ZFP91: variants seen among roughly 807,000 people sequenced by gnomAD.
ZFP91 encodes E3 ubiquitin-protein ligase ZFP91.
A neutral mutation model predicts 63.5 loss-of-function variants in ZFP91; 7 were observed. The ratio of observed to expected loss-of-function variants is 0.11; its 90% confidence interval spans 0.06 to 0.21. ZFP91 has a LOEUF of 0.21. ZFP91 is among the 10% of genes least tolerant of loss of function. ZFP91 has a pLI of 1.00. For synonymous variants in ZFP91, 330 were observed against 272.1 expected, an observed-to-expected ratio of 1.21 and a Z score of -2.10; for missense variants, 628 against 736.6, an observed-to-expected ratio of 0.85 and a Z score of 1.71.
chr11:58,592,576 A>G (rs970137204), intron 2 of ZFP91, among the ~76,000 whole-genome samples: 1 of 152,202 alleles, frequency 6.6e-6, no homozygotes, highest in Non-Finnish European at 1.5e-5. Context: ...TGCGCCAAGC[A>G]CAGAAGGATA....
In ZFP91 at chr11:58,614,218, C is replaced by G. The variant is rs1403742054; in HGVS notation, c.988-11C>G. On this transcript the variant is annotated splice_polypyrimidine_tract_variant and intron_variant, in intron 8 of 10. Transcript: ENST00000316059. ...TTTTTTTTTTCGCCCCTTTCACTTT[C>G]TCTGTTTTAGCACCACATTAAATAC... 5.3e-6 allele frequency: 8 copies of G among 1,511,646 alleles called. No homozygotes were observed. In the East Asian group the frequency reaches 1.9e-4, roughly 35 times the overall value. The allele number at this position is 1,511,646 out of a possible 1,614,324, so 93.6% of individuals were successfully genotyped here.
chr11:58,579,742 C>T lies in ZFP91; in HGVS notation c.341+120C>T, dbSNP rs1269862042. ...CCTGGTCTGCCCCCTGCCGGCTCCG[C>T]ACGCCAGATGTCACACCGTTTCCCC... On this transcript the variant is annotated intron_variant, in intron 1 of 10. Transcript: ENST00000316059. The T allele has an allele frequency of 4.2e-6, 4 of 963,246 alleles. No homozygotes were observed. The East Asian group carries it at 1.3e-4, about 31-fold the overall frequency. The allele number at this position is 963,246 out of a possible 1,614,324, so 59.7% of individuals were successfully genotyped here. A position where few individuals can be genotyped will look rare whatever the true frequency, so the allele number is the denominator to read the frequency against.
At chr11:58,609,380 C>T (rs1212709931) in intron 2 of ZFP91, among the ~76,000 whole-genome samples, 1 of 152,166 alleles carries the variant, frequency 6.6e-6, no homozygotes, top group Non-Finnish European at 1.5e-5. Flanking sequence ...AAAAGTACTC[C>T]TGTTAGGAAT....
intron 7 of ZFP91, 59 bp downstream of exon 7, chr11:58,612,387 A>C: frequency 1.6e-5 from 24 of 1,532,226 alleles, no homozygotes; most frequent in Non-Finnish European, 2.0e-5. Context: ...CACTTTACTC[A>C]CAAATTTAGA....
chr11:58,590,908 GTT>G (rs1265672230), intron 2 of ZFP91, among the ~76,000 whole-genome samples: 1 of 144,010 alleles, frequency 6.9e-6, no homozygotes. Flanking sequence ...ATATTTCTGG[GTT>G]TTTTTTTTTT....
chr11:58,585,776 A>T (rs971641931), intron 2 of ZFP91, among the ~76,000 whole-genome samples: 1 of 152,192 alleles, frequency 6.6e-6, no homozygotes, highest in Non-Finnish European at 1.5e-5. Flanking sequence ...TCTGTTCTTG[A>T]TAAATAATTC....
At chr11:58,607,861 G>A (rs1855593789) in intron 2 of ZFP91, among the ~76,000 whole-genome samples, 1 of 151,966 alleles carries the variant, frequency 6.6e-6, no homozygotes, top group Admixed American at 6.6e-5. Context: ...GTTTATTTAA[G>A]CACTTTATCT....
intron 2 of ZFP91, among the ~76,000 whole-genome samples, chr11:58,603,340 C>G (rs929427150): frequency 1.3e-5 from 2 of 152,144 alleles, no homozygotes; most frequent in Non-Finnish European, 2.9e-5. Context: ...TTTAGTCTGT[C>G]CAAATAGTGT....
At chr11:58,615,937 T>C (rs771047830) in intron 9 of ZFP91, among the ~76,000 whole-genome samples, 1 of 152,228 alleles carries the variant, frequency 6.6e-6, no homozygotes, top group Non-Finnish European at 1.5e-5. Context: ...CAAATATATA[T>C]AGAGAGCATC....
chr11:58,589,531 A>G (rs1855268949), intron 2 of ZFP91, among the ~76,000 whole-genome samples: 2 of 152,260 alleles, frequency 1.3e-5, no homozygotes, highest in African/African-American at 4.8e-5. Context: ...TTTATGGAAA[A>G]CAAAGTGCAG....
intron 2 of ZFP91, among the ~76,000 whole-genome samples, chr11:58,605,753 A>G (rs1855560302): frequency 6.6e-6 from 1 of 151,974 alleles, no homozygotes; most frequent in African/African-American, 2.4e-5. Flanking sequence ...TCTTTCATTT[A>G]TCCTACTAGG....
intron 2 of ZFP91, among the ~76,000 whole-genome samples, chr11:58,599,305 A>G (rs1032840030): frequency 3.9e-5 from 6 of 151,922 alleles, no homozygotes; most frequent in African/African-American, 7.3e-5. Flanking sequence ...GCTGTTTTCA[A>G]TTTTTGGTGT....
rs374932096 is a variant in ZFP91 at position 58,617,423 on chromosome 11, G to A, written c.1430G>A (p.Gly477Asp). 1.5e-5 allele frequency: 24 copies of A among 1,613,548 alleles called. No individual in the cohort carries two copies. In the African/African-American group the frequency reaches 2.3e-4, roughly 15 times the overall value. The change falls in exon 11 of 11, where the codon GGC becomes GAC. Residue 477 changes from glycine (G) to aspartate (D), a missense_variant. Gly to Asp is a moderately conservative substitution (Grantham distance 94). Coordinates refer to ENST00000316059, the MANE Select transcript of ZFP91 (RefSeq NM_053023.5). This position sits in a 1 kb window ranked among gnomAD's most constrained non-coding sequence, Gnocchi z 4.2. Reference protein sequence around the residue: ...GALITSTDILGTNPESLTQPS... With the variant: ...GALITSTDILDTNPESLTQPS... ...CTCATCACCAGCACAGATATCTTGG[G>A]CACTAACCCAGAGTCCCTGACGCAG...
In ZFP91 at chr11:58,619,542, A is replaced by G. The variant is rs1855811772; in HGVS notation, c.*1836A>G. 6.6e-6 allele frequency: 1 copy of G among 152,604 alleles called. No individual in the cohort carries two copies. The highest frequency in any genetic ancestry group is 6.5e-5 in the Admixed American group (1 of 15,276). 9.5% of individuals were successfully genotyped at this position (152,604 alleles called of 1,614,324 possible). ...CATGGCTTATCAATTTTTTCAAAGA[A>G]TTCTTTTTTCCCAAAAAGAGGAGTA... On this transcript the variant is annotated 3_prime_UTR_variant, in exon 11 of 11. Coordinates refer to ENST00000316059, the MANE Select transcript of ZFP91 (RefSeq NM_053023.5).
chr11:58,597,163 C>T (rs919528147), intron 2 of ZFP91, among the ~76,000 whole-genome samples: 5 of 152,108 alleles, frequency 3.3e-5, no homozygotes, highest in African/African-American at 7.2e-5. Context: ...TCTTGTTTTC[C>T]TGACCTTTTT....
chr11:58,601,377 T>C (rs1247580012), intron 2 of ZFP91, among the ~76,000 whole-genome samples: 1 of 152,238 alleles, frequency 6.6e-6, no homozygotes, highest in Non-Finnish European at 1.5e-5. Flanking sequence ...ATGTTATTTG[T>C]TGGCAAACAG....
Position 58,618,899 on chromosome 11 carries a change from G to A in ZFP91, c.*1193G>A, listed in dbSNP as rs990225822. 7 of 225,106 alleles carry A rather than the reference G, an allele frequency of 3.1e-5. No homozygotes were observed. The highest frequency in any genetic ancestry group is 1.1e-4 in the Admixed American group (2 of 17,680). 13.9% of individuals were successfully genotyped at this position (225,106 alleles called of 1,614,324 possible). On this transcript the variant is annotated 3_prime_UTR_variant, in exon 11 of 11. Transcript: ENST00000316059. ...GAATTTTGAGAGGGTGAGGAGGGTT[G>A]TTCAGAATCTAAATTACAGATAGAT...
rs1195312575 is a variant in ZFP91, at chr11:58,579,485, G to A, written c.204G>A (p.Val68=). ...RAAAAAAAAA[V]SRRRKAEYPR... ...CTGCGGCCGCCGCCGCCGCAGCTGT[G>A]TCCCGCCGGAGGAAGGCCGAGTATC... The change falls in exon 1 of 11, where the codon GTG becomes GTA. Residue 68 remains valine (V), a synonymous_variant. Coordinates refer to ENST00000316059, the MANE Select transcript of ZFP91 (RefSeq NM_053023.5). 2 of 1,512,118 alleles carry A rather than the reference G, an allele frequency of 1.3e-6. No individual in the cohort carries two copies. The highest frequency in any genetic ancestry group is 1.4e-5 in the African/African-American group (1 of 69,114). 93.7% of individuals were successfully genotyped at this position (1,512,118 alleles called of 1,614,324 possible).
At chr11:58,612,190 CGTGTGT>C in intron 6 of ZFP91, 82 bp from the exon 7 acceptor site, 7 of 1,193,420 alleles carry the variant, frequency 5.9e-6, no homozygotes, top group African/African-American at 1.5e-5. Context: ...GTTCTTTGGC[CGTGTGT>C]GTGTGTGTGT....
Sources: gnomAD v4.1 joint callset for allele counts (sites outside exome capture counted in the v4.1 genomes callset) on GRCh38, gnomAD v4.1.1 for gene constraint, Gnocchi (gnomAD v3.1) non-coding constraint, MANE v1.5 for transcripts, NCBI Gene and HGNC (gene_info 2026-07-23, HGNC 2026-07-21) for gene names.